The following AUTS2 variants were observed in gnomAD, a reference collection of about 807,000 sequenced individuals.
AUTS2 encodes activator of transcription and developmental regulator AUTS2.
AUTS2 carries 17 observed loss-of-function variants against 112.4 expected under a neutral mutation model. The observed-to-expected ratio is 0.15, with a 90% CI of 0.10 to 0.23. AUTS2 has a LOEUF of 0.23. Among genes scored for constraint, AUTS2 ranks in the 10% least tolerant of loss-of-function variants. The pLI is 1.00. For synonymous variants in AUTS2, 751 were observed against 702.7 expected, an observed-to-expected ratio of 1.07 and a Z score of -1.09; for missense variants, 1,510 against 1,701.6, an observed-to-expected ratio of 0.89 and a Z score of 1.98.
In AUTS2 at chr7:70,124,548, G is replaced by A. The variant is rs1471827936; in HGVS notation, c.624+6315G>A. Among the ~76,000 whole-genome samples, 5 of 151,720 alleles carry A rather than the reference G, an allele frequency of 3.3e-5. No individual in the cohort carries two copies. The East Asian group carries it at 9.7e-4, about 29-fold the overall frequency. On this transcript the variant is annotated intron_variant, in intron 3 of 18. Coordinates refer to ENST00000342771, the MANE Select transcript of AUTS2 (RefSeq NM_015570.4). ...TTTTTGTATATGGTGTAAGGAAGGGGTCCAGCTTCAATCTTTTTTTTTTTT... is the reference window on the plus strand; with the variant it reads ...TTTTTGTATATGGTGTAAGGAAGGGATCCAGCTTCAATCTTTTTTTTTTTT...
At chr7:69,980,992 A>G (rs1043550492) in intron 2 of AUTS2, among the ~76,000 whole-genome samples, 3 of 152,264 alleles carry the variant, frequency 2.0e-5, no homozygotes, top group African/African-American at 7.2e-5. Flanking sequence ...ATTGGAATGC[A>G]GAATCATTTT....
At chr7:69,992,758 G>A (rs571254656) in intron 2 of AUTS2, among the ~76,000 whole-genome samples, 6 of 152,224 alleles carry the variant, frequency 3.9e-5, no homozygotes, top group South Asian at 2.1e-4. Flanking sequence ...GGTGGTGTGC[G>A]CCTGTAGTCC....
At chr7:70,654,754 A>C (rs1243786955) in intron 5 of AUTS2, among the ~76,000 whole-genome samples, 1 of 152,226 alleles carries the variant, frequency 6.6e-6, no homozygotes, top group South Asian at 2.1e-4. Flanking sequence ...CTTGTCTTCC[A>C]AGAAGTTTGC....
At chr7:70,623,281 C>G (rs1044834614) in intron 5 of AUTS2, among the ~76,000 whole-genome samples, 1 of 152,182 alleles carries the variant, frequency 6.6e-6, no homozygotes, top group Non-Finnish European at 1.5e-5. Flanking sequence ...TTCCTGGATT[C>G]TCACCTCTCC....
At chr7:70,251,929 G>T (rs1025804402) in intron 4 of AUTS2, among the ~76,000 whole-genome samples, 1 of 151,628 alleles carries the variant, frequency 6.6e-6, no homozygotes, top group Admixed American at 6.6e-5. Flanking sequence ...TTTATAATTT[G>T]TTTTTTCTCT....
intron 2 of AUTS2, among the ~76,000 whole-genome samples, chr7:69,945,538 A>C (rs1020776038): frequency 6.6e-6 from 1 of 152,208 alleles, no homozygotes; most frequent in African/African-American, 2.4e-5. Context: ...TTGTGAAATA[A>C]TTAGCATAAT....
Position 70,789,988 on chromosome 7 carries a change from C to T in AUTS2, c.2772C>T (p.His924=), listed in dbSNP as rs538086182. ...TGCCCGAGAAGGACGGGCACGGCCA[C>T]GAGGGGCGCGCCGCGGGCGAAGAGG... is the stretch of plus-strand genomic sequence containing the variant. ...GHLPEKDGHG[H]EGRAAGEEAK... The change falls in exon 19 of 19, where the codon CAC becomes CAT. Residue 924 remains histidine, a synonymous_variant. Transcript: ENST00000342771. 5.7e-5 allele frequency: 92 copies of T among 1,608,396 alleles called. 1 individual carries two copies. The South Asian group carries it at 9.4e-4, about 16-fold the overall frequency.
At chr7:70,692,572 T>A (rs1808809237) in intron 5 of AUTS2, among the ~76,000 whole-genome samples, 1 of 152,204 alleles carries the variant, frequency 6.6e-6, no homozygotes, top group Non-Finnish European at 1.5e-5. Context: ...AGATGCCTTT[T>A]CTTTTGACTT....
chr7:69,750,768 A>G (rs1350019860), intron 1 of AUTS2, among the ~76,000 whole-genome samples: 1 of 152,066 alleles, frequency 6.6e-6, no homozygotes, highest in Non-Finnish European at 1.5e-5. Flanking sequence ...TAGCATGACA[A>G]AGGTTGGTGG....
intron 1 of AUTS2, among the ~76,000 whole-genome samples, chr7:69,685,256 G>T (rs1797010058): frequency 6.6e-6 from 1 of 152,164 alleles, no homozygotes; most frequent in South Asian, 2.1e-4. Context: ...TCATTTTGGG[G>T]CATGAAATGA....
chr7:69,874,178 A>G (rs541279067), intron 1 of AUTS2, among the ~76,000 whole-genome samples: 72 of 152,222 alleles, frequency 4.7e-4, no homozygotes, highest in Non-Finnish European at 8.4e-4. Flanking sequence ...GGATCACATG[A>G]GCCCAGGAGT....
intron 5 of AUTS2, among the ~76,000 whole-genome samples, chr7:70,630,171 A>C (rs907610783): frequency 6.6e-6 from 1 of 152,156 alleles, no homozygotes; most frequent in Non-Finnish European, 1.5e-5. Context: ...TCTATATTGC[A>C]GTGTGCTTTC....
intron 4 of AUTS2, among the ~76,000 whole-genome samples, chr7:70,235,578 G>A (rs1812281516): frequency 6.6e-6 from 1 of 151,992 alleles, no homozygotes; most frequent in Non-Finnish European, 1.5e-5. Context: ...GTTTTTAGGT[G>A]GATGCTCTGC....
intron 1 of AUTS2, among the ~76,000 whole-genome samples, chr7:69,745,241 A>C (rs1209106978): frequency 2.6e-5 from 4 of 152,214 alleles, no homozygotes; most frequent in Non-Finnish European, 5.9e-5. Flanking sequence ...TGTTGCTATA[A>C]ATCACTGCTG....
At chr7:69,991,642 A>G (rs1190127246) in intron 2 of AUTS2, among the ~76,000 whole-genome samples, 1 of 152,224 alleles carries the variant, frequency 6.6e-6, no homozygotes, top group African/African-American at 2.4e-5. Context: ...TATTTCTGGG[A>G]GCTTAGATAA....
At chr7:70,290,028 TAACAAAAAAGCTA>T (rs1361479910) in intron 4 of AUTS2, among the ~76,000 whole-genome samples, 4 of 152,102 alleles carry the variant, frequency 2.6e-5, no homozygotes, top group African/African-American at 9.7e-5. Context: ...TTGCACCATA[TAACAAAAAAGCTA>T]AACTAAGACG....
At chr7:69,737,980 C>T (rs777513031) in intron 1 of AUTS2, among the ~76,000 whole-genome samples, 3 of 152,070 alleles carry the variant, frequency 2.0e-5, no homozygotes, top group Non-Finnish European at 4.4e-5. Flanking sequence ...TCCACAGATC[C>T]CTCACCAATC....
At chr7:69,756,253 G>A (rs1029146959) in intron 1 of AUTS2, among the ~76,000 whole-genome samples, 1 of 152,214 alleles carries the variant, frequency 6.6e-6, no homozygotes, top group Non-Finnish European at 1.5e-5. Context: ...TTTAACAAAG[G>A]CGGAGAAGAA....
chr7:70,536,468 C>A (rs1465464305), intron 5 of AUTS2, among the ~76,000 whole-genome samples: 1 of 150,332 alleles, frequency 6.7e-6, no homozygotes, highest in East Asian at 1.9e-4. Context: ...TGGTCCTCAC[C>A]GTGAATATGC....
Sources: allele counts gnomAD v4.1 joint callset (sites outside exome capture counted in the v4.1 genomes callset), GRCh38; gene constraint gnomAD v4.1.1; transcripts MANE v1.5; gene names NCBI Gene and HGNC (gene_info 2026-07-23, HGNC 2026-07-21).